The following CSMD2 variants were observed in gnomAD, a reference collection of about 807,000 sequenced individuals.
CSMD2 encodes CUB and sushi domain-containing protein 2.
CSMD2 carries 130 observed loss-of-function variants against 398.5 expected under a neutral mutation model. The ratio of observed to expected loss-of-function variants is 0.33; its 90% CI spans 0.28 to 0.38. The LOEUF (loss-of-function observed/expected upper bound fraction) is 0.38. Ranked by LOEUF, CSMD2 falls within the 10% of genes least tolerant of loss-of-function variation. The pLI is 1.00. For missense variants in CSMD2, 3,829 were observed against 4,764.9 expected, an observed-to-expected ratio of 0.80 and a Z score of 5.78; for synonymous variants, 1,828 against 1,908.5, an observed-to-expected ratio of 0.96 and a Z score of 1.10.
At position 33,541,321 on chromosome 1, in the gene CSMD2, G is replaced by A; in HGVS notation, c.9278-12C>T. Reference sequence around the variant, plus strand: ...ACCACAGTTTATGACTAGGATAAGAGAGATATAGCATTGTTCACTCCTGGC... The same window carrying A: ...ACCACAGTTTATGACTAGGATAAGAAAGATATAGCATTGTTCACTCCTGGC... On this transcript the variant is annotated splice_polypyrimidine_tract_variant and intron_variant, in intron 58 of 70. Transcript: ENST00000373381. 5.6e-6 allele frequency: 9 copies of A among 1,611,656 alleles called. No individual in the cohort carries two copies. Among genetic ancestry groups the A allele is most frequent in the Non-Finnish European group, 6.8e-6 (8 of 1,178,002 alleles).
intron 13 of CSMD2, among the ~76,000 whole-genome samples, chr1:33,761,980 C>T (rs1022669469): frequency 1.3e-5 from 2 of 152,062 alleles, no homozygotes; most frequent in Non-Finnish European, 2.9e-5. Flanking sequence ...CCTGAGTCAC[C>T]CAAAAGATTG....
chr1:33,650,663 A>C (rs550117771), intron 28 of CSMD2, among the ~76,000 whole-genome samples: 2 of 152,276 alleles, frequency 1.3e-5, no homozygotes, highest in African/African-American at 4.8e-5. Flanking sequence ...CCATGATAGG[A>C]TTTAAAAATA....
intron 5 of CSMD2, chr1:33,864,129 T>C (rs917151557): frequency 2.1e-6 from 3 of 1,462,602 alleles, no homozygotes; most frequent in South Asian, 1.4e-5. Flanking sequence ...GCTCCTGGAG[T>C]GTGGGAACAA....
intron 55 of CSMD2, among the ~76,000 whole-genome samples, chr1:33,556,488 C>T (rs1415814516): frequency 6.6e-6 from 1 of 152,190 alleles, no homozygotes; most frequent in Non-Finnish European, 1.5e-5. Context: ...ATATCTATTA[C>T]TCCCTCTTGA....
rs1487701994 is a variant in CSMD2 at position 33,542,879 on chromosome 1, G to C, written c.9118C>G (p.Pro3040Ala). The change falls in exon 58 of 71, where the codon CCT becomes GCT. Residue 3040 changes from proline (P) to alanine (A), a missense_variant. Pro to Ala is a conservative substitution (Grantham distance 27). Around this residue, in one of 5 missense-constraint regions of CSMD2, gnomAD observed 917 missense variants for 1,199.5 expected, o/e 0.76. Coordinates refer to ENST00000373381, the MANE Select transcript of CSMD2 (RefSeq NM_001281956.2). ...PECGVISCGNPGTPSNARVVF... is the reference protein window; with the variant it reads ...PECGVISCGNAGTPSNARVVF... Reference sequence around the variant, plus strand: ...ACTCGGGCATTACTTGGAGTCCCAGGGTTCCCACAAGAGATCACTAGGAAG... The same window carrying C: ...ACTCGGGCATTACTTGGAGTCCCAGCGTTCCCACAAGAGATCACTAGGAAG... 3.7e-6 allele frequency: 6 copies of C among 1,613,928 alleles called. No individual in the cohort carries two copies. Among genetic ancestry groups the C allele is most frequent in the East Asian group, 2.2e-5 (1 of 44,886 alleles).
intron 13 of CSMD2, among the ~76,000 whole-genome samples, chr1:33,769,923 C>T (rs1319070342): frequency 2.0e-5 from 3 of 152,110 alleles, no homozygotes; most frequent in Admixed American, 2.0e-4. Context: ...TTTGTATGTA[C>T]ATTTATGAGC....
chr1:34,071,282 C>T (rs1191061936), intron 2 of CSMD2, among the ~76,000 whole-genome samples: 1 of 152,208 alleles, frequency 6.6e-6, no homozygotes, highest in Non-Finnish European at 1.5e-5. Flanking sequence ...GAAACTGCTT[C>T]CATGAATTCA....
At chr1:33,921,058 A>G (rs1003603217) in intron 4 of CSMD2, among the ~76,000 whole-genome samples, 1 of 152,168 alleles carries the variant, frequency 6.6e-6, no homozygotes, top group African/African-American at 2.4e-5. Context: ...TGCAGAGATG[A>G]CAGAGCTGGG....
intron 13 of CSMD2, among the ~76,000 whole-genome samples, chr1:33,759,321 T>A (rs1426026312): frequency 3.9e-5 from 3 of 77,806 alleles, no homozygotes; most frequent in Non-Finnish European, 7.2e-5. Context: ...TTTCTTTTTT[T>A]TTCTTTTTTT....
chr1:34,149,026 A>G (rs1370299281), intron 1 of CSMD2, among the ~76,000 whole-genome samples: 1 of 152,148 alleles, frequency 6.6e-6, no homozygotes, highest in Non-Finnish European at 1.5e-5. Context: ...TTTATTTACT[A>G]GTCCCTACTT....
At chr1:33,662,521 A>T (rs975592046) in intron 26 of CSMD2, among the ~76,000 whole-genome samples, 15 of 152,270 alleles carry the variant, frequency 9.9e-5, no homozygotes, top group African/African-American at 3.6e-4. Context: ...TTTCCTTGTC[A>T]TAGATGACTA....
rs1382376872 is a variant in CSMD2, at chr1:34,089,046, G to T, written c.335C>A (p.Ala112Asp). 2 of 1,614,196 alleles carry T rather than the reference G, an allele frequency of 1.2e-6. No homozygotes were observed. Among genetic ancestry groups the T allele is most frequent in the Non-Finnish European group, 8.5e-7 (1 of 1,180,032 alleles). Residue 112 changes from alanine to aspartate, a missense_variant, in exon 2 of 71, where the codon GCC (alanine) becomes GAC (aspartate). Ala to Asp is a moderately radical substitution (Grantham distance 126). Coordinates refer to ENST00000373381, the MANE Select transcript of CSMD2 (RefSeq NM_001281956.2). The part of the protein sequence containing the change: ...HRIQLVFQSF[A>D]LEEDFDVLSV... ...CAGGACATCAAAGTCCTCTTCCAGG[G>T]CAAAGGACTGGAACACAAGCTGGAT...
chr1:33,612,397 A>G (rs954504420), intron 40 of CSMD2, among the ~76,000 whole-genome samples: 3 of 152,220 alleles, frequency 2.0e-5, no homozygotes, highest in African/African-American at 7.2e-5. Flanking sequence ...CACAGAAGCA[A>G]TCACATGAAT....
intron 6 of CSMD2, among the ~76,000 whole-genome samples, chr1:33,846,488 T>G (rs1557995126): frequency 6.6e-6 from 1 of 152,230 alleles, no homozygotes; most frequent in Non-Finnish European, 1.5e-5. Flanking sequence ...GAAATTGGCT[T>G]AACCTCTCTG....
chr1:33,607,882 A>G (rs1191778335), intron 41 of CSMD2, among the ~76,000 whole-genome samples: 1 of 152,202 alleles, frequency 6.6e-6, no homozygotes, highest in Non-Finnish European at 1.5e-5. Context: ...TGCCTCTCAC[A>G]TGTTGGGCCA....
intron 44 of CSMD2, among the ~76,000 whole-genome samples, chr1:33,593,435 C>T (rs1639607855): frequency 6.6e-6 from 1 of 152,194 alleles, no homozygotes; most frequent in Admixed American, 6.5e-5. Context: ...TTCCACGTGG[C>T]TGGGGAGGCC....
At chr1:34,082,246 C>T (rs1657283215) in intron 2 of CSMD2, among the ~76,000 whole-genome samples, 1 of 150,808 alleles carries the variant, frequency 6.6e-6, no homozygotes, top group African/African-American at 2.4e-5. Flanking sequence ...CCGGCCGCGA[C>T]CCCGTCTGGG....
At chr1:33,522,150 G>A (rs1173911173) in intron 67 of CSMD2, among the ~76,000 whole-genome samples, 12 of 152,306 alleles carry the variant, frequency 7.9e-5, no homozygotes, top group African/African-American at 2.6e-4. Context: ...GGGCCGCAGC[G>A]GCTGAGGGCA....
At chr1:34,095,997 T>A (rs1157155405) in intron 1 of CSMD2, among the ~76,000 whole-genome samples, 1 of 152,174 alleles carries the variant, frequency 6.6e-6, no homozygotes, top group Non-Finnish European at 1.5e-5. Context: ...TGAACATTGA[T>A]GCAAAAATCC....
Sources: gnomAD v4.1 joint callset for allele counts (sites outside exome capture counted in the v4.1 genomes callset) on GRCh38, gnomAD v4.1.1 for gene constraint, gnomAD v4.1.1 regional missense constraint, MANE v1.5 for transcripts, NCBI Gene and HGNC (gene_info 2026-07-23, HGNC 2026-07-21) for gene names.